PDIA5: variants seen among roughly 807,000 people sequenced by gnomAD.
PDIA5 encodes the protein protein disulfide-isomerase A5.
PDIA5 carries 58 observed loss-of-function variants against 77.6 expected under a neutral mutation model. The ratio of observed to expected loss-of-function variants is 0.75; its 90% CI spans 0.61 to 0.93. PDIA5 has a LOEUF of 0.93. Among genes scored for constraint, PDIA5 ranks in the 40% least tolerant of loss-of-function variants. The probability of loss-of-function intolerance (pLI) is 0.00; values close to 1 mark genes in which losing one functional copy is unlikely to be tolerated. For missense variants in PDIA5, 630 were observed against 647.7 expected, an observed-to-expected ratio of 0.97 and a Z score of 0.30; for synonymous variants, 250 against 252.1, an observed-to-expected ratio of 0.99 and a Z score of 0.08.
chr3:123,072,930 G>GTGTGTGTGTGTGTGTGTGTGTGTGTGTC (rs1933762914), intron 1 of PDIA5, among the ~76,000 whole-genome samples: 1 of 151,986 alleles, frequency 6.6e-6, no homozygotes, highest in Non-Finnish European at 1.5e-5. Flanking sequence ...GTGTGTGTGT[G>GTGTGTGTGTGTGTGTGTGTGTGTGTGTC]TGTGTGTGTG....
intron 11 of PDIA5, among the ~76,000 whole-genome samples, chr3:123,132,503 C>T (rs965224688): frequency 2.6e-5 from 4 of 152,210 alleles, no homozygotes; most frequent in Non-Finnish European, 5.9e-5. Flanking sequence ...AACTAAGTTT[C>T]AAAAACCCTC....
rs1310006808 is a variant in PDIA5 at position 123,124,352 on chromosome 3, G to C, written c.773+9G>C. 2 of 1,599,912 alleles carry C rather than the reference G, an allele frequency of 1.3e-6. No individual in the cohort carries two copies. Among genetic ancestry groups the C allele is most frequent in the Non-Finnish European group, 1.7e-6 (2 of 1,167,348 alleles). ...GTGGAGTGGCTGAAGAAGTAAGTGGGGTGTGTGTGTGTCAGTGGGCGTGGA... is the reference window on the plus strand; with the variant it reads ...GTGGAGTGGCTGAAGAAGTAAGTGGCGTGTGTGTGTGTCAGTGGGCGTGGA... On this transcript the variant is annotated intron_variant, in intron 10 of 16. Coordinates refer to ENST00000316218, the MANE Select transcript of PDIA5 (RefSeq NM_006810.4).
intron 1 of PDIA5, among the ~76,000 whole-genome samples, chr3:123,085,480 C>A (rs1184409363): frequency 6.6e-6 from 1 of 152,186 alleles, no homozygotes; most frequent in Non-Finnish European, 1.5e-5. Flanking sequence ...AGGGGCTTGG[C>A]TGACTGGCTG....
intron 15 of PDIA5, among the ~76,000 whole-genome samples, chr3:123,158,804 G>A (rs1426111629): frequency 1.3e-5 from 2 of 152,240 alleles, no homozygotes; most frequent in Non-Finnish European, 2.9e-5. Flanking sequence ...GGTGTTCTGT[G>A]TTGCAGGTGA....
At chr3:123,137,642 GATTA>G (rs936002519) in intron 11 of PDIA5, among the ~76,000 whole-genome samples, 2 of 152,154 alleles carry the variant, frequency 1.3e-5, no homozygotes, top group Non-Finnish European at 2.9e-5. Context: ...TTGATGTCAT[GATTA>G]ATTATTCTCA....
At chr3:123,100,292 C>T (rs541490769) in intron 3 of PDIA5, among the ~76,000 whole-genome samples, 1 of 152,352 alleles carries the variant, frequency 6.6e-6, no homozygotes, top group Non-Finnish European at 1.5e-5. Flanking sequence ...AGAGTCCCTG[C>T]GGGACGGGGC....
chr3:123,143,994 C>T (rs1173109112), intron 11 of PDIA5, among the ~76,000 whole-genome samples: 2 of 152,088 alleles, frequency 1.3e-5, no homozygotes, highest in Admixed American at 6.6e-5. Context: ...GTCCCTTGTC[C>T]CTGGGAGGGA....
At chr3:123,111,884 A>T (rs1366795657) in intron 7 of PDIA5, among the ~76,000 whole-genome samples, 3 of 152,164 alleles carry the variant, frequency 2.0e-5, no homozygotes, top group African/African-American at 7.2e-5. Flanking sequence ...TTTTTTTAAA[A>T]AATTATTGGT....
intron 1 of PDIA5, among the ~76,000 whole-genome samples, chr3:123,080,901 C>G (rs978216185): frequency 1.8e-4 from 27 of 152,188 alleles, no homozygotes; most frequent in African/African-American, 6.0e-4. Flanking sequence ...TTATTAGCTC[C>G]TCTTTAGCAG....
chr3:123,139,249 T>A (rs1935569600), intron 11 of PDIA5, among the ~76,000 whole-genome samples: 1 of 152,130 alleles, frequency 6.6e-6, no homozygotes, highest in Admixed American at 6.5e-5. Context: ...CTCCTCCAAC[T>A]GTCCCACAGC....
At chr3:123,155,145 C>T in intron 15 of PDIA5, 104 bp downstream of exon 15, 4 of 801,258 alleles carry the variant, frequency 5.0e-6, no homozygotes, top group Admixed American at 1.9e-5. Flanking sequence ...TCTGCTAAGA[C>T]CTGTAAGCAG....
chr3:123,073,340 C>A (rs991477771), intron 1 of PDIA5, among the ~76,000 whole-genome samples: 4 of 152,162 alleles, frequency 2.6e-5, no homozygotes, highest in African/African-American at 9.7e-5. Flanking sequence ...AGGTGGGGAC[C>A]ACAGTCAGAG....
intron 15 of PDIA5, among the ~76,000 whole-genome samples, chr3:123,159,519 G>T (rs1936104088): frequency 1.3e-5 from 2 of 152,202 alleles, no homozygotes; most frequent in Non-Finnish European, 2.9e-5. Flanking sequence ...GAGACTGCAG[G>T]GTAAGTGCCA....
At chr3:123,086,285 A>G (rs1934136373) in intron 1 of PDIA5, among the ~76,000 whole-genome samples, 1 of 152,208 alleles carries the variant, frequency 6.6e-6, no homozygotes, top group Non-Finnish European at 1.5e-5. Context: ...CCTCATATCA[A>G]TCCCACGAGG....
At chr3:123,130,639 C>G in intron 11 of PDIA5, 23 bp downstream of exon 11, 1 of 1,611,818 alleles carries the variant, frequency 6.2e-7, no homozygotes, top group South Asian at 1.1e-5. Flanking sequence ...TTGCTCCTCC[C>G]CCTCCACACC....
intron 15 of PDIA5, among the ~76,000 whole-genome samples, chr3:123,155,526 G>A (rs1249826649): frequency 6.6e-6 from 1 of 152,226 alleles, no homozygotes; most frequent in African/African-American, 2.4e-5. Flanking sequence ...TTGGATTAGA[G>A]TGCAGGGCCT....
intron 11 of PDIA5, among the ~76,000 whole-genome samples, chr3:123,131,030 G>A (rs1033546389): frequency 2.0e-5 from 3 of 152,160 alleles, no homozygotes; most frequent in Non-Finnish European, 4.4e-5. Flanking sequence ...CCAGCACTTT[G>A]GGAGGTCAAG....
At chr3:123,150,577 C>A (rs964959639) in intron 14 of PDIA5, among the ~76,000 whole-genome samples, 7 of 152,186 alleles carry the variant, frequency 4.6e-5, no homozygotes, top group Non-Finnish European at 5.9e-5. Context: ...GGCTCTCCTT[C>A]CTTTGGGGCA....
chr3:123,106,710 G>A (rs1401309097), intron 5 of PDIA5, 39 bp from the exon 6 acceptor site: 3 of 1,455,474 alleles, frequency 2.1e-6, no homozygotes, highest in South Asian at 1.1e-5. Context: ...CTCTTTTCAG[G>A]GCTAAAATGC....
Sources: gnomAD v4.1 joint callset for allele counts (sites outside exome capture counted in the v4.1 genomes callset) on GRCh38, gnomAD v4.1.1 for gene constraint, MANE v1.5 for transcripts, NCBI Gene and HGNC (gene_info 2026-07-23, HGNC 2026-07-21) for gene names.